CCSER1: variants seen among roughly 807,000 people sequenced by gnomAD.
CCSER1 encodes serine-rich coiled-coil domain-containing protein 1.
Under a neutral mutation model 82.0 loss-of-function variants are expected in CCSER1, and 41 were observed. That is an observed-to-expected ratio of 0.50 (90% CI 0.39 to 0.65). The LOEUF is 0.65. Among genes scored for constraint, CCSER1 ranks in the 30% least tolerant of loss-of-function variants. The probability of loss-of-function intolerance (pLI) is 0.00; values close to 1 mark genes in which losing one functional copy is unlikely to be tolerated. For synonymous variants in CCSER1, 414 were observed against 383.9 expected (o/e 1.08, Z -0.92); for missense variants, 1,119 against 1,064.2 (o/e 1.05, Z -0.72).
chr4:91,154,677 C>G (rs914711225), intron 10 of CCSER1, among the ~76,000 whole-genome samples: 1 of 151,956 alleles, frequency 6.6e-6, no homozygotes, highest in Non-Finnish European at 1.5e-5. Context: ...TTTTCCCAGA[C>G]ATTCTTTTTA....
intron 10 of CCSER1, among the ~76,000 whole-genome samples, chr4:91,553,643 G>C (rs1218873542): frequency 6.6e-6 from 1 of 150,572 alleles, no homozygotes; most frequent in Non-Finnish European, 1.5e-5. Flanking sequence ...GCATGAATTA[G>C]CTTTGGTAGG....
At chr4:91,383,114 G>A (rs1293989952) in intron 10 of CCSER1, among the ~76,000 whole-genome samples, 1 of 151,536 alleles carries the variant, frequency 6.6e-6, no homozygotes, top group African/African-American at 2.4e-5. Context: ...TACATTCACT[G>A]GAAAACGAAA....
chr4:91,010,747 T>C (rs1232576317), intron 9 of CCSER1, among the ~76,000 whole-genome samples: 1 of 134,664 alleles, frequency 7.4e-6, no homozygotes, highest in Non-Finnish European at 1.7e-5. Context: ...TCTTCACCTC[T>C]TAATATTTCT....
chr4:91,593,657 A>G (rs542522774), intron 10 of CCSER1, among the ~76,000 whole-genome samples: 153 of 152,012 alleles, frequency 1.0e-3, no homozygotes, highest in Non-Finnish European at 1.8e-3. Flanking sequence ...TATAAAATCT[A>G]GAGAGGGAAT....
chr4:90,651,219 C>T (rs1356529738), intron 6 of CCSER1, among the ~76,000 whole-genome samples: 1 of 152,118 alleles, frequency 6.6e-6, no homozygotes, highest in African/African-American at 2.4e-5. Context: ...CTTTATTCTA[C>T]TATAAAGATA....
chr4:90,358,044 A>G (rs1387498715), intron 3 of CCSER1, among the ~76,000 whole-genome samples: 1 of 152,048 alleles, frequency 6.6e-6, no homozygotes, highest in Admixed American at 6.5e-5. Context: ...TGGTTTTAAA[A>G]CCTAATTAAT....
intron 6 of CCSER1, among the ~76,000 whole-genome samples, chr4:90,652,373 T>A (rs1338569656): frequency 6.6e-6 from 1 of 152,158 alleles, no homozygotes; most frequent in East Asian, 1.9e-4. Flanking sequence ...GAAATAATAC[T>A]AAAATACTAC....
chr4:90,569,509 A>G (rs952817032), intron 5 of CCSER1, among the ~76,000 whole-genome samples: 2 of 152,212 alleles, frequency 1.3e-5, no homozygotes, highest in Non-Finnish European at 1.5e-5. Flanking sequence ...CAAAACAGAC[A>G]TAAGGAAGTG....
intron 10 of CCSER1, among the ~76,000 whole-genome samples, chr4:91,484,042 T>G (rs1387881259): frequency 3.0e-5 from 4 of 134,830 alleles, no homozygotes; most frequent in Non-Finnish European, 4.7e-5. Flanking sequence ...TGAGTCTTAT[T>G]CTGCCTATTC....
intron 3 of CCSER1, among the ~76,000 whole-genome samples, chr4:90,371,886 G>A (rs1469150650): frequency 6.6e-6 from 1 of 152,112 alleles, no homozygotes; most frequent in East Asian, 1.9e-4. Flanking sequence ...ATATGAATGT[G>A]AATGTAATTA....
intron 9 of CCSER1, among the ~76,000 whole-genome samples, chr4:91,038,127 C>A (rs1204256343): frequency 6.6e-6 from 1 of 152,032 alleles, no homozygotes; most frequent in Non-Finnish European, 1.5e-5. Flanking sequence ...CAGGCAGAGA[C>A]CCAAATGCTA....
rs1491524106 is a variant in CCSER1, at chr4:90,932,975, A to AG, written c.2172+9528_2172+9529insG. The stretch of plus-strand genomic sequence containing the variant: ...GAAAGAAAGAAAGAAAGAAAGAAAG[A>AG]AAGAAAGAGAAAGAAAGAAAGAAAG... On this transcript the variant is annotated intron_variant, in intron 9 of 10. Transcript: ENST00000509176. Among the ~76,000 whole-genome samples the AG allele has an allele frequency of 1.4e-3, 57 of 40,528 alleles. 17 individuals carry two copies. Among genetic ancestry groups the AG allele is most frequent in the African/African-American group, 3.7e-3 (20 of 5,464 alleles). The allele number at this position is 40,528 out of a possible 152,430, so 26.6% of individuals were successfully genotyped here.
chr4:91,577,467 A>C (rs867491756), intron 10 of CCSER1, among the ~76,000 whole-genome samples: 2 of 152,056 alleles, frequency 1.3e-5, no homozygotes, highest in Admixed American at 1.3e-4. Flanking sequence ...TAAAATAAAA[A>C]AAAATACCTT....
chr4:90,868,979 T>C (rs924548489), intron 8 of CCSER1, among the ~76,000 whole-genome samples: 3 of 152,108 alleles, frequency 2.0e-5, no homozygotes, highest in Non-Finnish European at 4.4e-5. Context: ...CCTTTTCATA[T>C]GCCTGTTTGC....
At chr4:90,201,633 A>T (rs1737729668) in intron 1 of CCSER1, among the ~76,000 whole-genome samples, 1 of 151,856 alleles carries the variant, frequency 6.6e-6, no homozygotes, top group Non-Finnish European at 1.5e-5. Flanking sequence ...ACACTTACGG[A>T]ACATCTTAAT....
At chr4:90,386,467 T>C (rs2153535149) in intron 3 of CCSER1, among the ~76,000 whole-genome samples, 1 of 152,142 alleles carries the variant, frequency 6.6e-6, no homozygotes, top group South Asian at 2.1e-4. Flanking sequence ...TGAAACTGGA[T>C]CCCTATCACT....
intron 10 of CCSER1, among the ~76,000 whole-genome samples, chr4:91,404,270 T>G (rs994049733): frequency 3.9e-5 from 6 of 152,202 alleles, no homozygotes; most frequent in Non-Finnish European, 7.3e-5. Flanking sequence ...TTGTATCTAT[T>G]TGATTCTTCT....
chr4:90,500,716 A>G (rs1769731854), intron 5 of CCSER1, among the ~76,000 whole-genome samples: 1 of 151,946 alleles, frequency 6.6e-6, no homozygotes. Flanking sequence ...AGCCAAGAAA[A>G]CAAACAAGCA....
intron 1 of CCSER1, among the ~76,000 whole-genome samples, chr4:90,245,508 A>T (rs1232309560): frequency 6.6e-6 from 1 of 152,186 alleles, no homozygotes; most frequent in East Asian, 1.9e-4. Flanking sequence ...GCATGCTCTT[A>T]TAACAGCCCA....
Sources: allele counts gnomAD v4.1 joint callset (sites outside exome capture counted in the v4.1 genomes callset), GRCh38; gene constraint gnomAD v4.1.1; transcripts MANE v1.5; gene names NCBI Gene and HGNC (gene_info 2026-07-23, HGNC 2026-07-21).